DOCK4: variants seen among roughly 807,000 people sequenced by gnomAD.
DOCK4 encodes the protein dedicator of cytokinesis 4.
Under a neutral mutation model 268.1 loss-of-function variants are expected in DOCK4, and 97 were observed. The ratio of observed to expected loss-of-function variants is 0.36; its 90% CI spans 0.31 to 0.43. The LOEUF is 0.43. Among genes scored for constraint, DOCK4 ranks in the 20% least tolerant of loss-of-function variants. The probability of loss-of-function intolerance (pLI) is 1.00; values close to 1 mark genes in which losing one functional copy is unlikely to be tolerated. For synonymous variants in DOCK4, 954 were observed against 887.2 expected (o/e 1.08, Z -1.34); for missense variants, 2,145 against 2,455.7 (o/e 0.87, Z 2.67).
intron 30 of DOCK4, 110 bp from the exon 31 acceptor site, chr7:111,790,715 A>C (rs547932337): frequency 1.6e-6 from 2 of 1,254,368 alleles, no homozygotes; most frequent in East Asian, 5.2e-5. Context: ...ATTCAATTAT[A>C]GTCGTCTCCT....
intron 1 of DOCK4, among the ~76,000 whole-genome samples, chr7:112,136,195 C>T (rs1046371762): frequency 3.3e-5 from 5 of 152,074 alleles, no homozygotes; most frequent in Non-Finnish European, 5.9e-5. Flanking sequence ...AGAATGAAAC[C>T]GGTTTCATTT....
chr7:111,822,012 A>G (rs537545379), intron 27 of DOCK4, among the ~76,000 whole-genome samples: 1 of 152,362 alleles, frequency 6.6e-6, no homozygotes, highest in East Asian at 1.9e-4. Context: ...GGATTTCTTA[A>G]GAGCATTATA....
At chr7:112,180,609 A>G (rs10243086) in intron 1 of DOCK4, among the ~76,000 whole-genome samples, 10,472 of 152,206 alleles carry the variant, frequency 0.069, 804 homozygotes, top group African/African-American at 0.18. Flanking sequence ...TCACTTAAGG[A>G]GCTGTGTCCG....
chr7:112,051,881 A>C (rs913849927), intron 1 of DOCK4, among the ~76,000 whole-genome samples: 5 of 152,158 alleles, frequency 3.3e-5, no homozygotes, highest in Non-Finnish European at 7.4e-5. Context: ...AAGTCTAGCT[A>C]AATAGCTAGA....
chr7:111,896,930 T>G (rs1808807644), intron 15 of DOCK4, among the ~76,000 whole-genome samples: 3 of 152,154 alleles, frequency 2.0e-5, no homozygotes, highest in African/African-American at 7.2e-5. Flanking sequence ...AATTCATGTT[T>G]TTTAAAAAGT....
At chr7:112,001,397 A>T (rs908665086) in intron 2 of DOCK4, among the ~76,000 whole-genome samples, 4 of 152,204 alleles carry the variant, frequency 2.6e-5, no homozygotes, top group Admixed American at 1.3e-4. Flanking sequence ...CAGCATATCC[A>T]CACTGTCAGT....
At chr7:111,767,227 C>CTTTT (rs372483378) in intron 37 of DOCK4, 109 bp from the exon 38 acceptor site, 46 of 465,620 alleles carry the variant, frequency 9.9e-5, no homozygotes, top group East Asian at 3.8e-4. Context: ...ACTCCTTAAT[C>CTTTT]TTTTTTTTTT....
In DOCK4 at chr7:111,742,009, A is replaced by G. The variant is rs1795951974; in HGVS notation, c.4797+4T>C. On this transcript the variant is annotated splice_donor_region_variant and intron_variant, in intron 45 of 52. Coordinates refer to ENST00000428084, the MANE Select transcript of DOCK4 (RefSeq NM_001363540.2). ...CCCCGCCATGGACACCTAAGTATAC[A>G]TACCTGTATCCCTAAGCTCGACTTC... 1.9e-6 allele frequency: 3 copies of G among 1,592,312 alleles called. No individual in the cohort carries two copies. Among genetic ancestry groups the G allele is most frequent in the Non-Finnish European group, 2.6e-6 (3 of 1,171,076 alleles).
At chr7:112,162,072 T>A (rs1330381813) in intron 1 of DOCK4, among the ~76,000 whole-genome samples, 1 of 152,180 alleles carries the variant, frequency 6.6e-6, no homozygotes, top group African/African-American at 2.4e-5. Flanking sequence ...ATTTAAAAAA[T>A]GATAATGTAA....
chr7:112,016,415 T>C (rs1238378842), intron 1 of DOCK4, among the ~76,000 whole-genome samples: 2 of 152,260 alleles, frequency 1.3e-5, no homozygotes, highest in African/African-American at 4.8e-5. Context: ...TTACTGGTGA[T>C]ATTAACTTTG....
intron 1 of DOCK4, among the ~76,000 whole-genome samples, chr7:112,161,428 G>T (rs1028789301): frequency 6.6e-6 from 1 of 152,128 alleles, no homozygotes; most frequent in Non-Finnish European, 1.5e-5. Flanking sequence ...TTCATGTCTG[G>T]CATGGAAAAC....
intron 23 of DOCK4, among the ~76,000 whole-genome samples, chr7:111,860,563 C>G (rs1457978812): frequency 6.6e-6 from 1 of 152,214 alleles, no homozygotes; most frequent in Non-Finnish European, 1.5e-5. Flanking sequence ...ATGTGTGGGA[C>G]CTTCCCACAC....
intron 51 of DOCK4, among the ~76,000 whole-genome samples, chr7:111,732,758 C>T (rs963425655): frequency 6.6e-6 from 1 of 152,186 alleles, no homozygotes; most frequent in Non-Finnish European, 1.5e-5. Context: ...CAGCTCCCCC[C>T]AAACAACCCC....
intron 1 of DOCK4, among the ~76,000 whole-genome samples, chr7:112,149,559 A>G (rs1225514754): frequency 6.9e-6 from 1 of 145,300 alleles, no homozygotes; most frequent in East Asian, 2.1e-4. Flanking sequence ...CATACAACAT[A>G]TCCTTATTTT....
At chr7:111,841,002 A>G in intron 25 of DOCK4, 1 of 420,776 alleles carries the variant, frequency 2.4e-6, no homozygotes, top group Non-Finnish European at 4.5e-6. Flanking sequence ...GCACGTCTGC[A>G]ACAATCATGA....
chr7:112,128,384 C>T (rs911327457), intron 1 of DOCK4, among the ~76,000 whole-genome samples: 3 of 152,152 alleles, frequency 2.0e-5, no homozygotes, highest in Non-Finnish European at 2.9e-5. Flanking sequence ...GTGAGGAGCC[C>T]CTCTGCCAGG....
intron 17 of DOCK4, 142 bp from the exon 18 acceptor site, chr7:111,872,706 T>A (rs1172694896): frequency 9.7e-6 from 6 of 620,634 alleles, no homozygotes; most frequent in Non-Finnish European, 1.7e-5. Flanking sequence ...CCACAAACTA[T>A]GACTAGCCCT....
At chr7:111,933,258 T>TTATATATATATACATATATACATA (rs1562905171) in intron 12 of DOCK4, among the ~76,000 whole-genome samples, 1 of 126,718 alleles carries the variant, frequency 7.9e-6, no homozygotes, top group Non-Finnish European at 1.6e-5. Flanking sequence ...ACATATATAC[T>TTATATATATATACATATATACATA]TATATATATA....
chr7:112,120,951 A>C lies in DOCK4; in HGVS notation c.37+85151T>G, dbSNP rs2729561. On this transcript the variant is annotated intron_variant, in intron 1 of 52. Coordinates refer to ENST00000428084, the MANE Select transcript of DOCK4 (RefSeq NM_001363540.2). ...GTAGGGGGATTGGGAAGTACCTTTAAATTTTTCATTCTTTGAGAACAGAGG... is the reference window on the plus strand; with the variant it reads ...GTAGGGGGATTGGGAAGTACCTTTACATTTTTCATTCTTTGAGAACAGAGG... Among the ~76,000 whole-genome samples, 1,196 of 152,248 alleles carry C rather than the reference A, an allele frequency of 7.9e-3. 4 individuals are homozygous for C. Among genetic ancestry groups the C allele is most frequent in the Non-Finnish European group, 0.013 (853 of 68,008 alleles).
Sources: allele counts gnomAD v4.1 joint callset (sites outside exome capture counted in the v4.1 genomes callset), GRCh38; gene constraint gnomAD v4.1.1; transcripts MANE v1.5; gene names NCBI Gene and HGNC (gene_info 2026-07-23, HGNC 2026-07-21).